The following CNTNAP5 variants were observed in gnomAD, a reference collection of about 807,000 sequenced individuals.
The protein encoded by CNTNAP5 is contactin-associated protein-like 5.
Under a neutral mutation model 150.2 loss-of-function variants are expected in CNTNAP5, and 72 were observed. That is an observed-to-expected ratio of 0.48 (90% CI 0.40 to 0.58). The LOEUF (loss-of-function observed/expected upper bound fraction) is 0.58. Among genes scored for constraint, CNTNAP5 ranks in the 20% least tolerant of loss-of-function variants. The pLI, the probability that CNTNAP5 is intolerant of heterozygous loss-of-function variation, is 0.00. For missense variants in CNTNAP5, 1,636 were observed against 1,626.2 expected (o/e 1.01, Z -0.10); for synonymous variants, 672 against 619.8 (o/e 1.08, Z -1.25).
chr2:124,491,665 T>C (rs1694030821), intron 7 of CNTNAP5, among the ~76,000 whole-genome samples: 1 of 152,124 alleles, frequency 6.6e-6, no homozygotes, highest in Non-Finnish European at 1.5e-5. Context: ...GGAACCTCCA[T>C]GTTGTTTTGC....
chr2:124,623,109 T>A (rs572744216), intron 12 of CNTNAP5, among the ~76,000 whole-genome samples: 6 of 152,140 alleles, frequency 3.9e-5, no homozygotes. Flanking sequence ...TCCTCTACTA[T>A]GTTGAATCAA....
chr2:124,739,902 C>A (rs79548861), intron 13 of CNTNAP5, among the ~76,000 whole-genome samples: 38,385 of 151,886 alleles, frequency 0.25, 5,511 homozygotes, highest in Non-Finnish European at 0.34. Flanking sequence ...ACTTCCATTA[C>A]TCTTAGCTGT....
At chr2:124,655,101 T>G (rs1678413660) in intron 13 of CNTNAP5, among the ~76,000 whole-genome samples, 1 of 152,084 alleles carries the variant, frequency 6.6e-6, no homozygotes, top group Non-Finnish European at 1.5e-5. Context: ...AGGTTTTAAG[T>G]CCAGCATGCA....
intron 1 of CNTNAP5, among the ~76,000 whole-genome samples, chr2:124,128,330 G>C (rs1016631934): frequency 6.6e-6 from 1 of 152,044 alleles, no homozygotes; most frequent in African/African-American, 2.4e-5. Context: ...ATCACTGGCC[G>C]TCAGAGAAAT....
Position 124,680,610 on chromosome 2 carries a change from C to G in CNTNAP5, c.2077+32652C>G, listed in dbSNP as rs189980978. ...GGGGCATATTCTGTTGGCTATATTTCCCCCCACCCACTATGTATAGGGCAG... is the reference window on the plus strand; with the variant it reads ...GGGGCATATTCTGTTGGCTATATTTGCCCCCACCCACTATGTATAGGGCAG... On this transcript the variant is annotated intron_variant, in intron 13 of 23. Transcript: ENST00000682447. The G allele has an allele frequency of 2.2e-3, 328 of 151,914 alleles. 3 individuals carry two copies. The highest frequency in any genetic ancestry group is 7.6e-3 in the African/African-American group (316 of 41,532). The allele number at this position is 151,914 out of a possible 1,614,324, so 9.4% of individuals were successfully genotyped here.
At chr2:124,150,328 G>T (rs750324570) in intron 1 of CNTNAP5, among the ~76,000 whole-genome samples, 1 of 152,132 alleles carries the variant, frequency 6.6e-6, no homozygotes, top group Admixed American at 6.5e-5. Context: ...TATCGATTTT[G>T]TGCATTCATT....
chr2:124,130,415 C>G (rs1040400035), intron 1 of CNTNAP5, among the ~76,000 whole-genome samples: 1 of 151,926 alleles, frequency 6.6e-6, no homozygotes, highest in Non-Finnish European at 1.5e-5. Flanking sequence ...TGTATACCTG[C>G]CCCCTCCTCC....
At chr2:124,653,911 A>ACCCCCC (rs70996088) in intron 13 of CNTNAP5, among the ~76,000 whole-genome samples, 2 of 57,482 alleles carry the variant, frequency 3.5e-5, no homozygotes, top group Non-Finnish European at 3.4e-5. Flanking sequence ...ACTGCCCCCA[A>ACCCCCC]CCCCCCCCCC....
chr2:124,481,263 C>T (rs1388139085), intron 7 of CNTNAP5, among the ~76,000 whole-genome samples: 6 of 152,188 alleles, frequency 3.9e-5, no homozygotes, highest in African/African-American at 1.4e-4. Flanking sequence ...TCCTGAAAGG[C>T]CTTACCTCCT....
At position 124,208,113 on chromosome 2, in the gene CNTNAP5, T is replaced by C. The variant is rs939224468; in HGVS notation, c.83-13592T>C. 1.1e-4 allele frequency among the ~76,000 whole-genome samples: 17 copies of C among 152,132 alleles called. 1 individual carries two copies. Among genetic ancestry groups the C allele is most frequent in the Admixed American group, 7.9e-4 (12 of 15,274 alleles). On this transcript the variant is annotated intron_variant, in intron 1 of 23. Transcript: ENST00000682447. ...TCATTATCTAGAGGCCTGAAATGTC[T>C]CAAAAAATCATTATATTTGAATACC... is the stretch of plus-strand genomic sequence containing the variant.
intron 14 of CNTNAP5, among the ~76,000 whole-genome samples, chr2:124,755,476 C>T (rs1680820162): frequency 6.6e-6 from 1 of 152,162 alleles, no homozygotes; most frequent in African/African-American, 2.4e-5. Flanking sequence ...CTTACAACTT[C>T]TTCTTGATCA....
intron 11 of CNTNAP5, among the ~76,000 whole-genome samples, chr2:124,574,800 A>C (rs554582369): frequency 3.2e-4 from 49 of 152,346 alleles, no homozygotes; most frequent in Middle Eastern, 3.4e-3. Flanking sequence ...CGATTCATGC[A>C]AATATATTTT....
At chr2:124,675,091 CT>C (rs1274971291) in intron 13 of CNTNAP5, among the ~76,000 whole-genome samples, 1 of 151,954 alleles carries the variant, frequency 6.6e-6, no homozygotes, top group African/African-American at 2.4e-5. Context: ...ATTTCTTCAA[CT>C]TTTTTTGTGC....
intron 11 of CNTNAP5, among the ~76,000 whole-genome samples, chr2:124,598,749 G>C (rs1696898279): frequency 6.6e-6 from 1 of 152,166 alleles, no homozygotes. Context: ...CAGCCTCGCT[G>C]CCGCCTTGCA....
chr2:124,384,454 A>G (rs1690880680), intron 3 of CNTNAP5, among the ~76,000 whole-genome samples: 1 of 152,156 alleles, frequency 6.6e-6, no homozygotes, highest in Non-Finnish European at 1.5e-5. Context: ...TAGAGAAAGG[A>G]GGTGTATTTT....
intron 8 of CNTNAP5, among the ~76,000 whole-genome samples, chr2:124,513,443 T>A (rs2104874492): frequency 6.6e-6 from 1 of 152,342 alleles, no homozygotes; most frequent in African/African-American, 2.4e-5. Context: ...TGTATATTAA[T>A]ATGTCTATTT....
Position 124,057,560 on chromosome 2 carries a change from G to A in CNTNAP5, c.82+31828G>A, listed in dbSNP as rs952046557. Among the ~76,000 whole-genome samples the A allele has an allele frequency of 2.0e-5, 3 of 150,134 alleles. No individual in the cohort carries two copies. In the Admixed American group the frequency reaches 2.0e-4, roughly 10 times the overall value. On this transcript the variant is annotated intron_variant, in intron 1 of 23. Coordinates refer to ENST00000682447, the MANE Select transcript of CNTNAP5 (RefSeq NM_001367498.1). ...CCGCCTTGGACTCCCAAAGTGCTGG[G>A]ATTACAGGCATGAGCCACCGCTCCT...
intron 4 of CNTNAP5, among the ~76,000 whole-genome samples, chr2:124,428,676 T>G (rs1468457943): frequency 3.3e-5 from 5 of 151,830 alleles, no homozygotes; most frequent in Admixed American, 2.6e-4. Flanking sequence ...AATCAGCATT[T>G]TTTTTTTTTT....
intron 13 of CNTNAP5, among the ~76,000 whole-genome samples, chr2:124,694,014 C>G (rs1193031233): frequency 6.6e-6 from 1 of 151,962 alleles, no homozygotes; most frequent in African/African-American, 2.4e-5. Flanking sequence ...AATGGGATTT[C>G]GTATAAACAA....
Sources: gnomAD v4.1 joint callset for allele counts (sites outside exome capture counted in the v4.1 genomes callset) on GRCh38, gnomAD v4.1.1 for gene constraint, MANE v1.5 for transcripts, NCBI Gene and HGNC (gene_info 2026-07-23, HGNC 2026-07-21) for gene names.